IL1RAPL2: variants seen among roughly 807,000 people sequenced by gnomAD.
The protein encoded by IL1RAPL2 is X-linked interleukin-1 receptor accessory protein-like 2.
In IL1RAPL2, 3 loss-of-function variants were observed where a neutral mutation model predicts 44.1. The ratio of observed to expected loss-of-function variants is 0.07; its 90% CI spans 0.03 to 0.18. The LOEUF is 0.18. Among genes scored for constraint, IL1RAPL2 ranks in the 10% least tolerant of loss-of-function variants. The pLI, the probability that IL1RAPL2 is intolerant of heterozygous loss-of-function variation, is 1.00. For synonymous variants in IL1RAPL2, 181 were observed against 178.8 expected, an observed-to-expected ratio of 1.01 and a Z score of -0.10; for missense variants, 391 against 496.4, an observed-to-expected ratio of 0.79 and a Z score of 2.02.
intron 2 of IL1RAPL2, among the ~76,000 whole-genome samples, chrX:104,745,263 T>G (rs12556183): frequency 0.38 from 41,618 of 109,764 alleles, 6,047 homozygotes; most frequent in East Asian, 0.47. Context: ...CTCTCCCCTT[T>G]AATAGGGTAG....
At chrX:105,047,281 A>G (rs2031852735) in intron 2 of IL1RAPL2, among the ~76,000 whole-genome samples, 1 of 111,525 alleles carries the variant, frequency 9.0e-6, no homozygotes, top group Admixed American at 9.6e-5. Context: ...AGCAACTCAT[A>G]TTTCCTTCAG....
At chrX:105,145,009 G>A (rs752080570) in intron 2 of IL1RAPL2, among the ~76,000 whole-genome samples, 1 of 111,328 alleles carries the variant, frequency 9.0e-6, no homozygotes, top group South Asian at 3.8e-4. Context: ...TTATTCTGCT[G>A]TGTCCCCAAC....
chrX:105,123,209 G>A (rs1602965510), intron 2 of IL1RAPL2, among the ~76,000 whole-genome samples: 1 of 110,847 alleles, frequency 9.0e-6, no homozygotes. Context: ...AAAAGATAAA[G>A]ATAGAAAAAA....
chrX:105,675,563 C>T (rs760307727), intron 6 of IL1RAPL2, among the ~76,000 whole-genome samples: 8 of 111,421 alleles, frequency 7.2e-5, no homozygotes, highest in Admixed American at 5.8e-4. Flanking sequence ...TTCGGTTTGC[C>T]GTATTTTATT....
At chrX:105,701,758 T>A (rs1602529511) in intron 6 of IL1RAPL2, among the ~76,000 whole-genome samples, 1 of 112,244 alleles carries the variant, frequency 8.9e-6, no homozygotes, top group East Asian at 2.8e-4. Context: ...TATATCCTTG[T>A]TTTTTGCACT....
chrX:104,850,231 T>G (rs1358431013), intron 2 of IL1RAPL2, among the ~76,000 whole-genome samples: 2 of 111,281 alleles, frequency 1.8e-5, no homozygotes, highest in Admixed American at 1.9e-4. Context: ...AAACCTCTTT[T>G]TATTTTTATT....
intron 2 of IL1RAPL2, among the ~76,000 whole-genome samples, chrX:104,969,479 A>T (rs972378046): frequency 8.9e-6 from 1 of 111,895 alleles, no homozygotes; most frequent in South Asian, 3.7e-4. Flanking sequence ...AAGGTTTTAT[A>T]ACATAAAACA....
At position 105,320,084 on chromosome X, in the gene IL1RAPL2, T is replaced by A. The variant is rs139290572; in HGVS notation, c.697+52543T>A. Among the ~76,000 whole-genome samples the A allele has an allele frequency of 8.1e-3, 902 of 110,741 alleles. 13 individuals carry two copies. Among genetic ancestry groups the A allele is most frequent in the African/African-American group, 0.029 (869 of 30,396 alleles). On this transcript the variant is annotated intron_variant, in intron 5 of 10. Coordinates refer to ENST00000372582, the MANE Select transcript of IL1RAPL2 (RefSeq NM_017416.2). The stretch of plus-strand genomic sequence containing the variant: ...AGATAGACTAATATGTGAGTAAAGT[T>A]ATGGAGTTTAATAACATAATCATGG...
chrX:104,655,787 G>A (rs1414973312), intron 1 of IL1RAPL2, among the ~76,000 whole-genome samples: 1 of 111,485 alleles, frequency 9.0e-6, no homozygotes, highest in Non-Finnish European at 1.9e-5. Flanking sequence ...ATTTGGCTGT[G>A]AATCCATCAG....
intron 3 of IL1RAPL2, chrX:105,220,318 C>G: frequency 8.3e-7 from 1 of 1,209,898 alleles, no homozygotes; most frequent in Non-Finnish European, 1.1e-6. Flanking sequence ...TTTCGTGTGC[C>G]TGGCCATTTT....
intron 2 of IL1RAPL2, among the ~76,000 whole-genome samples, chrX:104,677,698 C>G (rs771207126): frequency 8.0e-5 from 9 of 112,171 alleles, no homozygotes; most frequent in South Asian, 7.6e-4. Context: ...CCCCCAGCCT[C>G]GCTGCCGCCT....
At chrX:105,162,591 G>T (rs988533765) in intron 2 of IL1RAPL2, among the ~76,000 whole-genome samples, 2 of 112,156 alleles carry the variant, frequency 1.8e-5, no homozygotes, top group Admixed American at 1.9e-4. Context: ...CTTAATAAGA[G>T]AAATATAATG....
chrX:105,070,712 AAT>A (rs766591261), intron 2 of IL1RAPL2, among the ~76,000 whole-genome samples: 1 of 106,108 alleles, frequency 9.4e-6, no homozygotes. Flanking sequence ...AAAATAAAAA[AAT>A]ATATATATAT....
chrX:104,596,400 G>A (rs1300355099), intron 1 of IL1RAPL2, among the ~76,000 whole-genome samples: 1 of 111,463 alleles, frequency 9.0e-6, no homozygotes, highest in East Asian at 2.8e-4. Context: ...TCCCATCCAA[G>A]TTCACAGATA....
At chrX:104,943,122 G>T (rs1010272735) in intron 2 of IL1RAPL2, among the ~76,000 whole-genome samples, 1 of 111,168 alleles carries the variant, frequency 9.0e-6, no homozygotes, top group African/African-American at 3.3e-5. Flanking sequence ...ATTTTTCATC[G>T]ATGTTCATCA....
At chrX:104,783,830 C>T (rs181933447) in intron 2 of IL1RAPL2, among the ~76,000 whole-genome samples, 29 of 108,733 alleles carry the variant, frequency 2.7e-4, no homozygotes, top group African/African-American at 8.0e-4. Context: ...AAACATGCTA[C>T]AACCAGCAAA....
intron 5 of IL1RAPL2, among the ~76,000 whole-genome samples, chrX:105,281,363 G>A (rs757312822): frequency 1.8e-5 from 2 of 111,239 alleles, no homozygotes; most frequent in Non-Finnish European, 3.8e-5. Flanking sequence ...CATGCCAGGT[G>A]TATACCTATG....
chrX:104,857,738 C>T (rs924109119), intron 2 of IL1RAPL2, among the ~76,000 whole-genome samples: 2 of 111,340 alleles, frequency 1.8e-5, no homozygotes, highest in Non-Finnish European at 3.8e-5. Flanking sequence ...ACTTGTACAA[C>T]ACTATTGCCT....
At chrX:104,739,677 G>A (rs1222353742) in intron 2 of IL1RAPL2, among the ~76,000 whole-genome samples, 2 of 111,986 alleles carry the variant, frequency 1.8e-5, no homozygotes, top group South Asian at 3.7e-4. Flanking sequence ...AGAAAGAATC[G>A]TGTGAAGTTT....
Sources: allele counts gnomAD v4.1 joint callset (sites outside exome capture counted in the v4.1 genomes callset), GRCh38; gene constraint gnomAD v4.1.1; transcripts MANE v1.5; gene names NCBI Gene and HGNC (gene_info 2026-07-23, HGNC 2026-07-21).